The following ATRX variants were observed in gnomAD, a reference collection of about 807,000 sequenced individuals.
The protein encoded by ATRX is ATRX chromatin remodeler, also known as chromatin remodeler ATRX.
ATRX carries 12 observed loss-of-function variants against 172.6 expected under a neutral mutation model. That is an observed-to-expected ratio of 0.07 (90% CI 0.04 to 0.11). ATRX has a LOEUF of 0.11. Among genes scored for constraint, ATRX ranks in the 10% least tolerant of loss-of-function variants. ATRX has a pLI of 1.00. For missense variants in ATRX, 1,368 were observed against 1,767.4 expected, an observed-to-expected ratio of 0.77 and a Z score of 4.05; for synonymous variants, 674 against 594.7, an observed-to-expected ratio of 1.13 and a Z score of -1.94.
chrX:77,723,255 AACCACC>A (rs2073868270), intron 1 of ATRX, among the ~76,000 whole-genome samples: 16 of 111,303 alleles, frequency 1.4e-4, no homozygotes, highest in Admixed American at 5.8e-4. Flanking sequence ...GGGTGCAGCA[AACCACC>A]ATGGCACGTG....
chrX:77,613,836 A>G (rs1013459167), intron 22 of ATRX, among the ~76,000 whole-genome samples: 4 of 112,229 alleles, frequency 3.6e-5, no homozygotes, highest in African/African-American at 1.3e-4. Flanking sequence ...AGCCAGACTA[A>G]TATTTAGTTA....
chrX:77,741,816 C>T (rs901847073), intron 1 of ATRX, among the ~76,000 whole-genome samples: 3 of 111,844 alleles, frequency 2.7e-5, no homozygotes, highest in African/African-American at 6.5e-5. Flanking sequence ...GTCCAACTTA[C>T]TTATTCTTTT....
chrX:77,556,760 C>G lies in ATRX; in HGVS notation c.6699+691G>C, dbSNP rs1409945029. On this transcript the variant is annotated intron_variant, in intron 30 of 34. Coordinates refer to ENST00000373344, the MANE Select transcript of ATRX (RefSeq NM_000489.6). The stretch of plus-strand genomic sequence containing the variant: ...CATTCAATTCTGGAAATCCCAGGTC[C>G]TCTGCTTTGCTTCTTGTATTTGAAA... Among the ~76,000 whole-genome samples, 21 of 112,122 alleles carry G rather than the reference C, an allele frequency of 1.9e-4. No homozygotes were observed. The Admixed American group carries it at 2.0e-3, about 11-fold the overall frequency.
intron 2 of ATRX, among the ~76,000 whole-genome samples, chrX:77,699,260 G>C (rs1050109019): frequency 9.1e-6 from 1 of 110,163 alleles, no homozygotes; most frequent in African/African-American, 3.3e-5. Context: ...AAGCCTCCCA[G>C]GTAGCTGGGA....
At chrX:77,532,219 T>G (rs1416708560) in intron 30 of ATRX, among the ~76,000 whole-genome samples, 6 of 111,045 alleles carry the variant, frequency 5.4e-5, no homozygotes, top group African/African-American at 2.0e-4. Context: ...CCAAAGTAAC[T>G]TACAGATTCA....
chrX:77,625,114 G>A (rs909573522), intron 19 of ATRX, among the ~76,000 whole-genome samples: 2 of 111,774 alleles, frequency 1.8e-5, no homozygotes, highest in Admixed American at 9.5e-5. Flanking sequence ...ACTAATCTTC[G>A]ACAAAGCAAA....
intron 15 of ATRX, among the ~76,000 whole-genome samples, chrX:77,640,189 G>T (rs1369447320): frequency 1.8e-5 from 2 of 111,575 alleles, no homozygotes; most frequent in African/African-American, 6.5e-5. Flanking sequence ...GGGAGGGAAG[G>T]AAGAGGGCAT....
At chrX:77,651,070 G>A (rs1406033524) in intron 15 of ATRX, among the ~76,000 whole-genome samples, 2 of 108,255 alleles carry the variant, frequency 1.8e-5, no homozygotes, top group African/African-American at 6.7e-5. Flanking sequence ...TAGATGAAAC[G>A]GCCAGGCATG....
chrX:77,727,807 A>G (rs913148873), intron 1 of ATRX: 6 of 111,680 alleles, frequency 5.4e-5, no homozygotes, highest in Admixed American at 2.9e-4. Flanking sequence ...CTGCTCACAT[A>G]TCCCAGAACT....
At chrX:77,607,963 A>G (rs782809732) in intron 22 of ATRX, among the ~76,000 whole-genome samples, 3 of 111,152 alleles carry the variant, frequency 2.7e-5, no homozygotes, top group African/African-American at 9.8e-5. Context: ...AGGAACCACG[A>G]AAGACCCAGA....
intron 13 of ATRX, among the ~76,000 whole-genome samples, chrX:77,654,977 A>G (rs2069466836): frequency 9.0e-6 from 1 of 111,386 alleles, no homozygotes; most frequent in Admixed American, 9.6e-5. Context: ...AAAATTCTGA[A>G]ACATGCCTCA....
intron 27 of ATRX, among the ~76,000 whole-genome samples, chrX:77,576,705 A>G (rs1482508707): frequency 1.8e-5 from 2 of 111,500 alleles, no homozygotes; most frequent in African/African-American, 3.3e-5. Context: ...TGAGACAGAC[A>G]TAATCCCCAT....
intron 19 of ATRX, among the ~76,000 whole-genome samples, chrX:77,628,803 C>G (rs1197423991): frequency 9.0e-6 from 1 of 111,295 alleles, no homozygotes; most frequent in African/African-American, 3.3e-5. Context: ...GATATGGGGT[C>G]TCACTATGTT....
At chrX:77,772,127 T>G (rs1283082429) in intron 1 of ATRX, among the ~76,000 whole-genome samples, 2 of 109,597 alleles carry the variant, frequency 1.8e-5, no homozygotes, top group African/African-American at 6.7e-5. Flanking sequence ...AAAACCCGTC[T>G]CTACTAAAAC....
At chrX:77,526,342 A>G (rs2063381517) in intron 30 of ATRX, among the ~76,000 whole-genome samples, 1 of 112,003 alleles carries the variant, frequency 8.9e-6, no homozygotes. Context: ...TTAGAGACAG[A>G]GTCTCACTAT....
chrX:77,594,032 T>C, intron 25 of ATRX, 183 bp from the exon 26 acceptor site: 1 of 414,566 alleles, frequency 2.4e-6, no homozygotes, highest in Non-Finnish European at 4.2e-6. Flanking sequence ...ACAGAGACTA[T>C]CCCAGAAGAG....
At chrX:77,547,329 A>G (rs1397590658) in intron 30 of ATRX, among the ~76,000 whole-genome samples, 1 of 111,365 alleles carries the variant, frequency 9.0e-6, no homozygotes, top group Non-Finnish European at 1.9e-5. Flanking sequence ...TGATGTTTCC[A>G]TGGACAATTA....
chrX:77,591,178 A>G (rs1203985292), intron 26 of ATRX, among the ~76,000 whole-genome samples: 1 of 111,711 alleles, frequency 9.0e-6, no homozygotes, highest in Non-Finnish European at 1.9e-5. Flanking sequence ...ATTACGGGAG[A>G]AGGAGGAAAA....
At chrX:77,781,585 C>T (rs2076575120) in intron 1 of ATRX, among the ~76,000 whole-genome samples, 2 of 110,867 alleles carry the variant, frequency 1.8e-5, no homozygotes, top group Non-Finnish European at 3.8e-5. Context: ...TATTTACTCC[C>T]ATTTGAGCTT....
Sources: allele counts gnomAD v4.1 joint callset (sites outside exome capture counted in the v4.1 genomes callset), GRCh38; gene constraint gnomAD v4.1.1; transcripts MANE v1.5; gene names NCBI Gene and HGNC (gene_info 2026-07-23, HGNC 2026-07-21).